The following DENND11 variants were observed in gnomAD, a reference collection of about 807,000 sequenced individuals.
The protein encoded by DENND11 is DENN domain containing 11.
In DENND11, 34 loss-of-function variants were observed where a neutral mutation model predicts 49.2. The observed-to-expected ratio is 0.69, with a 90% CI of 0.53 to 0.92. The LOEUF (loss-of-function observed/expected upper bound fraction) is 0.92. DENND11 is among the 40% of genes least tolerant of loss of function. The pLI, the probability that DENND11 is intolerant of heterozygous loss-of-function variation, is 0.00. For missense variants in DENND11, 475 were observed against 581.6 expected, an observed-to-expected ratio of 0.82 and a Z score of 1.88; for synonymous variants, 238 against 230.3, an observed-to-expected ratio of 1.03 and a Z score of -0.30.
chr7:141,675,741 T>C (rs1359324217), intron 3 of DENND11, among the ~76,000 whole-genome samples: 1 of 151,856 alleles, frequency 6.6e-6, no homozygotes, highest in African/African-American at 2.4e-5. Flanking sequence ...ACAGCTCTTA[T>C]GTCAAAGTGA....
chr7:141,666,263 C>G (rs1022465551), intron 5 of DENND11, 24 bp downstream of exon 5: 1 of 1,577,502 alleles, frequency 6.3e-7, no homozygotes, highest in Non-Finnish European at 8.7e-7. Flanking sequence ...TTAAGCAGCA[C>G]TCCTGACTCT....
Position 141,658,599 on chromosome 7 carries a change from G to C in DENND11, c.*4057C>G, listed in dbSNP as rs545405724. 1.3e-5 allele frequency: 2 copies of C among 152,218 alleles called. No homozygotes were observed. The highest frequency in any genetic ancestry group is 6.5e-5 in the Admixed American group (1 of 15,276). 9.4% of individuals were successfully genotyped at this position (152,218 alleles called of 1,614,324 possible). Reference sequence around the variant, plus strand: ...TAATTGTCTTGCCCATGTTAGACCTGTCATCACACTAAGGCAAGTCCACTG... The same window carrying C: ...TAATTGTCTTGCCCATGTTAGACCTCTCATCACACTAAGGCAAGTCCACTG... On this transcript the variant is annotated 3_prime_UTR_variant, in exon 9 of 9. Transcript: ENST00000536163.
rs1051681915 is a variant in DENND11 at position 141,689,399 on chromosome 7, C to A, written c.269-2741G>T. ...TTCTCACTCATAAGTGGGAGCTGAACAATGAGAACACATGGACACAGGGAA... is the reference window on the plus strand; with the variant it reads ...TTCTCACTCATAAGTGGGAGCTGAAAAATGAGAACACATGGACACAGGGAA... On this transcript the variant is annotated intron_variant, in intron 1 of 8. Coordinates refer to ENST00000536163, the MANE Select transcript of DENND11 (RefSeq NM_001080392.2). 5.9e-5 allele frequency among the ~76,000 whole-genome samples: 9 copies of A among 152,062 alleles called. 1 individual carries two copies. Among genetic ancestry groups the A allele is most frequent in the Admixed American group, 5.9e-4 (9 of 15,278 alleles).
chr7:141,674,008 C>T (rs1798025585), intron 4 of DENND11, 59 bp downstream of exon 4: 5 of 1,543,520 alleles, frequency 3.2e-6, no homozygotes, highest in Non-Finnish European at 4.4e-6. Flanking sequence ...AAGTAATCAA[C>T]AGCTACTATT....
chr7:141,662,929 C>G (rs1438774622), intron 8 of DENND11, 78 bp from the exon 9 acceptor site: 1 of 1,049,856 alleles, frequency 9.5e-7, no homozygotes, highest in African/African-American at 1.6e-5. Flanking sequence ...ATATGGGGAA[C>G]CAAAACTATA....
intron 8 of DENND11, 25 bp from the exon 9 acceptor site, chr7:141,662,876 G>A (rs1374114851): frequency 2.7e-6 from 4 of 1,496,378 alleles, no homozygotes; most frequent in Non-Finnish European, 1.8e-6. Flanking sequence ...CAAGACACAG[G>A]AAAGGAAGCG....
At chr7:141,685,684 T>C (rs1798229288) in intron 2 of DENND11, 48 bp from the exon 3 acceptor site, 1 of 1,593,814 alleles carries the variant, frequency 6.3e-7, no homozygotes, top group Non-Finnish European at 8.6e-7. Flanking sequence ...GAGAGGAATT[T>C]TGAGATGCAA....
In DENND11 at chr7:141,664,690, C is replaced by T. The variant is rs574391094; in HGVS notation, c.1103+214G>A. Among the ~76,000 whole-genome samples, 5 of 152,308 alleles carry T rather than the reference C, an allele frequency of 3.3e-5. No homozygotes were observed. The East Asian group carries it at 7.7e-4, about 24-fold the overall frequency. On this transcript the variant is annotated intron_variant, in intron 7 of 8. Coordinates refer to ENST00000536163, the MANE Select transcript of DENND11 (RefSeq NM_001080392.2). ...TCCATGAGAAGAAATAAACCAGCAC[C>T]GTGGATCTACTCCCCTCCTATCAGG...
chr7:141,684,784 G>A (rs1206277909), intron 3 of DENND11, among the ~76,000 whole-genome samples: 1 of 151,796 alleles, frequency 6.6e-6, no homozygotes, highest in African/African-American at 2.4e-5. Flanking sequence ...TCAGGGATTA[G>A]GGATAAATTT....
At position 141,674,230 on chromosome 7, in the gene DENND11, AACACACACAC is replaced by A. The variant is rs35125206; in HGVS notation, c.528-20_528-11del. The A allele has an allele frequency of 1.1e-5, 16 of 1,494,634 alleles. No homozygotes were observed. The highest frequency in any genetic ancestry group is 2.6e-5 in the South Asian group (2 of 76,496). The allele number at this position is 1,494,634 out of a possible 1,614,324, so 92.6% of individuals were successfully genotyped here. ...CATCTCCAACTGGTGCCTGCAGAAA[AACACACACAC>A]ACACACACACACACACACAGTGAGA... On this transcript the variant is annotated splice_polypyrimidine_tract_variant and intron_variant, in intron 3 of 8. Transcript: ENST00000536163.
Position 141,662,642 on chromosome 7 carries a change from C to A in DENND11, c.*14G>T. On this transcript the variant is annotated 3_prime_UTR_variant, in exon 9 of 9. Transcript: ENST00000536163. ...CATCCCACGTGAAGTGGCTCCCAGT[C>A]CTGTTGGCTCCTCCTACGGGCAACA... The A allele has an allele frequency of 6.5e-7, 1 of 1,545,748 alleles. No individual in the cohort carries two copies. The highest frequency in any genetic ancestry group is 8.7e-7 in the Non-Finnish European group (1 of 1,146,334).
At position 141,657,502 on chromosome 7, in the gene DENND11, G is replaced by A. The variant is rs556276184; in HGVS notation, c.*5154C>T. 2.0e-5 allele frequency: 3 copies of A among 152,394 alleles called. No individual in the cohort carries two copies. Among genetic ancestry groups the A allele is most frequent in the South Asian group, 2.1e-4 (1 of 4,816 alleles). The allele number at this position is 152,394 out of a possible 1,614,324, so 9.4% of individuals were successfully genotyped here. A position where few individuals can be genotyped will look rare whatever the true frequency, so the allele number is the denominator to read the frequency against. On this transcript the variant is annotated 3_prime_UTR_variant, in exon 9 of 9. Transcript: ENST00000536163. ...CATCCAACTCAAAGACCTCTGTGTC[G>A]ACTGTTCACTTTGTGGATCATCTCT...
intron 4 of DENND11, among the ~76,000 whole-genome samples, chr7:141,672,025 G>A (rs753858093): frequency 2.0e-5 from 3 of 152,240 alleles, no homozygotes; most frequent in Non-Finnish European, 2.9e-5. Context: ...TTCTCCAGGA[G>A]CAGAAGACAC....
At position 141,659,005 on chromosome 7, in the gene DENND11, G is replaced by C. The variant is rs1426643822; in HGVS notation, c.*3651C>G. ...TTATCTTCTAGCTAAAGTGTCATCG[G>C]TAGTCACATGATCAACAAATGTTCA... On this transcript the variant is annotated 3_prime_UTR_variant, in exon 9 of 9. Coordinates refer to ENST00000536163, the MANE Select transcript of DENND11 (RefSeq NM_001080392.2). The C allele has an allele frequency of 1.3e-5, 2 of 152,498 alleles. No homozygotes were observed. The highest frequency in any genetic ancestry group is 4.1e-4 in the South Asian group (2 of 4,830). 9.4% of individuals were successfully genotyped at this position (152,498 alleles called of 1,614,324 possible). A position where few individuals can be genotyped will look rare whatever the true frequency, so the allele number is the denominator to read the frequency against.
At chr7:141,679,503 G>A (rs1311428613) in intron 3 of DENND11, among the ~76,000 whole-genome samples, 1 of 151,956 alleles carries the variant, frequency 6.6e-6, no homozygotes, top group Non-Finnish European at 1.5e-5. Flanking sequence ...ACCCAAGGTC[G>A]GGAGTTAGAG....
chr7:141,669,324 T>G (rs938826276), intron 4 of DENND11, among the ~76,000 whole-genome samples: 1 of 150,610 alleles, frequency 6.6e-6, no homozygotes, highest in South Asian at 2.1e-4. Flanking sequence ...CTCAGCTCAC[T>G]GCAACCTCCG....
chr7:141,656,993 T>A lies in DENND11; in HGVS notation c.*5663A>T, dbSNP rs1797705806. ...GCACACCAGTATTCAGGGCAAAATCTATGCAGTGTCTTACTAATTTCATAC... is the reference window on the plus strand; with the variant it reads ...GCACACCAGTATTCAGGGCAAAATCAATGCAGTGTCTTACTAATTTCATAC... On this transcript the variant is annotated 3_prime_UTR_variant, in exon 9 of 9. Transcript: ENST00000536163. 6.6e-6 allele frequency: 1 copy of A among 152,670 alleles called. No homozygotes were observed. The highest frequency in any genetic ancestry group is 2.4e-5 in the African/African-American group (1 of 41,446). 9.5% of individuals were successfully genotyped at this position (152,670 alleles called of 1,614,324 possible).
At chr7:141,692,006 A>T (rs1798334363) in intron 1 of DENND11, among the ~76,000 whole-genome samples, 1 of 152,244 alleles carries the variant, frequency 6.6e-6, no homozygotes, top group Non-Finnish European at 1.5e-5. Flanking sequence ...GTAGTTACAT[A>T]GGAAAATGTT....
At chr7:141,680,972 AACGAT>A (rs1239432098) in intron 3 of DENND11, among the ~76,000 whole-genome samples, 1 of 152,116 alleles carries the variant, frequency 6.6e-6, no homozygotes, top group Non-Finnish European at 1.5e-5. Flanking sequence ...AAAAGCCAAA[AACGAT>A]ACCTGGAAAT....
Sources: allele counts gnomAD v4.1 joint callset (sites outside exome capture counted in the v4.1 genomes callset), GRCh38; gene constraint gnomAD v4.1.1; transcripts MANE v1.5; gene names NCBI Gene and HGNC (gene_info 2026-07-23, HGNC 2026-07-21).